The following CSMD1 variants were observed in gnomAD, a reference collection of about 807,000 sequenced individuals.
CSMD1 encodes the protein CUB and sushi domain-containing protein 1.
CSMD1 carries 213 observed loss-of-function variants against 417.5 expected under a neutral mutation model. The observed-to-expected ratio is 0.51, with a 90% CI of 0.46 to 0.57. CSMD1 has a LOEUF of 0.57. Among genes scored for constraint, CSMD1 ranks in the 20% least tolerant of loss-of-function variants. The probability of loss-of-function intolerance (pLI) is 0.00; values close to 1 mark genes in which losing one functional copy is unlikely to be tolerated. For synonymous variants in CSMD1, 2,862 were observed against 1,736.8 expected (o/e 1.65, Z -16.11); for missense variants, 6,923 against 4,529.7 (o/e 1.53, Z -15.17).
chr8:4,530,417 G>C (rs905346281), intron 2 of CSMD1, among the ~76,000 whole-genome samples: 4 of 135,686 alleles, frequency 2.9e-5, no homozygotes, highest in Middle Eastern at 4.1e-3. Context: ...ATGGTGGTTT[G>C]CTGCATCTAC....
chr8:4,253,917 T>TC (rs1212252902), intron 3 of CSMD1, among the ~76,000 whole-genome samples: 31 of 135,140 alleles, frequency 2.3e-4, no homozygotes, highest in African/African-American at 8.2e-4. Flanking sequence ...CTTTTTTTTT[T>TC]TTTTTTTTTT....
intron 12 of CSMD1, among the ~76,000 whole-genome samples, chr8:3,444,348 C>T (rs564529628): frequency 1.3e-5 from 2 of 152,128 alleles, no homozygotes; most frequent in African/African-American, 4.8e-5. Context: ...AAAATTAGCA[C>T]AATTTTAGCA....
intron 1 of CSMD1, among the ~76,000 whole-genome samples, chr8:4,745,872 C>G (rs906066437): frequency 1.3e-5 from 2 of 152,188 alleles, no homozygotes; most frequent in African/African-American, 4.8e-5. Flanking sequence ...AGAAGGGCTT[C>G]TGAGCTTGAT....
intron 51 of CSMD1, among the ~76,000 whole-genome samples, chr8:3,028,809 C>T (rs975476331): frequency 1.3e-5 from 2 of 152,152 alleles, no homozygotes; most frequent in Admixed American, 1.3e-4. Context: ...ATTCAGAGTG[C>T]TCTGAACAAT....
intron 37 of CSMD1, among the ~76,000 whole-genome samples, chr8:3,168,217 C>T (rs535530403): frequency 6.6e-5 from 10 of 152,144 alleles, no homozygotes; most frequent in Admixed American, 2.6e-4. Flanking sequence ...GAGTATTCAA[C>T]GCCCAGGTAG....
chr8:3,740,364 G>C (rs1041548963), intron 6 of CSMD1, among the ~76,000 whole-genome samples: 9 of 152,054 alleles, frequency 5.9e-5, no homozygotes, highest in South Asian at 2.1e-4. Context: ...CCTTTCATTG[G>C]GCAGCACAAA....
chr8:3,531,259 T>C (rs1287704066), intron 10 of CSMD1, among the ~76,000 whole-genome samples: 1 of 152,208 alleles, frequency 6.6e-6, no homozygotes, highest in Non-Finnish European at 1.5e-5. Context: ...CTCTGGCTTT[T>C]ATTCACCATG....
intron 49 of CSMD1, among the ~76,000 whole-genome samples, chr8:3,071,014 G>A (rs1813289402): frequency 1.3e-5 from 2 of 152,226 alleles, no homozygotes; most frequent in African/African-American, 4.8e-5. Flanking sequence ...ATGGCAGAAG[G>A]CCAAGGGGGA....
At chr8:4,919,751 T>C (rs1806310924) in intron 1 of CSMD1, among the ~76,000 whole-genome samples, 1 of 152,198 alleles carries the variant, frequency 6.6e-6, no homozygotes, top group African/African-American at 2.4e-5. Flanking sequence ...CTAGAATAAG[T>C]GATTAGCCTG....
chr8:3,983,895 C>T (rs972512344), intron 5 of CSMD1, among the ~76,000 whole-genome samples: 10 of 151,844 alleles, frequency 6.6e-5, no homozygotes, highest in African/African-American at 2.2e-4. Flanking sequence ...CTGTCAATTG[C>T]AGTTCTAGAG....
In CSMD1 at chr8:3,414,212, CAAAAAAAAAAAAAA is replaced by C. The variant is rs1161625328; in HGVS notation, c.1562-4621_1562-4608del. On this transcript the variant is annotated intron_variant, in intron 12 of 69. Coordinates refer to ENST00000635120, the MANE Select transcript of CSMD1 (RefSeq NM_033225.6). ...AATTCAAAGACTGATGCACCTAAAG[CAAAAAAAAAAAAAA>C]AAAAAAAAAAAAATGCTGTACAAAC... Among the ~76,000 whole-genome samples the C allele has an allele frequency of 4.0e-5, 2 of 49,738 alleles. 1 individual carries two copies. The highest frequency in any genetic ancestry group is 2.4e-3 in the South Asian group (2 of 834). 32.6% of individuals were successfully genotyped at this position (49,738 alleles called of 152,430 possible).
At chr8:4,983,732 T>G (rs190876980) in intron 1 of CSMD1, among the ~76,000 whole-genome samples, 1 of 152,108 alleles carries the variant, frequency 6.6e-6, no homozygotes, top group East Asian at 1.9e-4. Flanking sequence ...AAGAACAACA[T>G]TTTTTAAAGG....
In CSMD1 at chr8:3,821,852, G is replaced by A. The variant is rs573490618; in HGVS notation, c.819-67810C>T. ...GGAGAAACAAAGTTAGTCATGGCAA[G>A]GAATATGGGAAAGTCACACGGAGAA... On this transcript the variant is annotated intron_variant, in intron 5 of 69. Transcript: ENST00000635120. Among the ~76,000 whole-genome samples, 10 of 152,270 alleles carry A rather than the reference G, an allele frequency of 6.6e-5. No homozygotes were observed. In the South Asian group the frequency reaches 1.2e-3, roughly 19 times the overall value.
intron 1 of CSMD1, among the ~76,000 whole-genome samples, chr8:4,944,142 A>T (rs1220046253): frequency 6.6e-6 from 1 of 152,190 alleles, no homozygotes; most frequent in Non-Finnish European, 1.5e-5. Flanking sequence ...TAGGCATCTG[A>T]ATATCTTGGA....
chr8:3,469,784 A>G (rs761180143), intron 11 of CSMD1, among the ~76,000 whole-genome samples: 2 of 152,216 alleles, frequency 1.3e-5, no homozygotes, highest in Non-Finnish European at 2.9e-5. Flanking sequence ...GAAGAAGAAC[A>G]ACTGTCATTA....
At chr8:4,685,197 T>A (rs967786770) in intron 1 of CSMD1, among the ~76,000 whole-genome samples, 2 of 152,140 alleles carry the variant, frequency 1.3e-5, no homozygotes, top group Non-Finnish European at 2.9e-5. Context: ...GAATCTCAAA[T>A]GAGAATAATG....
At chr8:3,484,367 T>G (rs777011760) in intron 11 of CSMD1, among the ~76,000 whole-genome samples, 1 of 152,216 alleles carries the variant, frequency 6.6e-6, no homozygotes, top group African/African-American at 2.4e-5. Flanking sequence ...TACTGAACAG[T>G]TGGATACACG....
At chr8:3,131,556 C>G (rs1817795487) in intron 41 of CSMD1, among the ~76,000 whole-genome samples, 1 of 150,568 alleles carries the variant, frequency 6.6e-6, no homozygotes, top group Non-Finnish European at 1.5e-5. Flanking sequence ...ACTGCAACAT[C>G]CATCTCCTGG....
chr8:3,682,874 G>C (rs189428669), intron 7 of CSMD1, among the ~76,000 whole-genome samples: 221 of 152,288 alleles, frequency 1.5e-3, no homozygotes, highest in East Asian at 9.6e-3. Context: ...AAAAAATGAA[G>C]AGTTCATGTC....
Sources: allele counts gnomAD v4.1 joint callset (sites outside exome capture counted in the v4.1 genomes callset), GRCh38; gene constraint gnomAD v4.1.1; transcripts MANE v1.5; gene names NCBI Gene and HGNC (gene_info 2026-07-23, HGNC 2026-07-21).